The following NLGN1 variants were observed in gnomAD, a reference collection of about 807,000 sequenced individuals.
NLGN1 encodes the protein neuroligin-1.
In NLGN1, 12 loss-of-function variants were observed where a neutral mutation model predicts 65.5. That is an observed-to-expected ratio of 0.18 (90% CI 0.12 to 0.30). The LOEUF (loss-of-function observed/expected upper bound fraction) is 0.30. Ranked by LOEUF, NLGN1 falls within the 10% of genes least tolerant of loss-of-function variation. The pLI is 1.00. For missense variants in NLGN1, 750 were observed against 1,007.1 expected (o/e 0.74, Z 3.46); for synonymous variants, 350 against 359.5 (o/e 0.97, Z 0.30).
intron 4 of NLGN1, among the ~76,000 whole-genome samples, chr3:174,239,048 C>A (rs901976175): frequency 5.9e-5 from 9 of 151,764 alleles, no homozygotes; most frequent in African/African-American, 1.9e-4. Flanking sequence ...TTGCCTAGTT[C>A]TTTCTTTCTT....
At chr3:173,534,547 A>G (rs1015394553) in intron 2 of NLGN1, among the ~76,000 whole-genome samples, 1 of 152,226 alleles carries the variant, frequency 6.6e-6, no homozygotes, top group Non-Finnish European at 1.5e-5. Flanking sequence ...ATACTCTTGT[A>G]TACAAGAATT....
chr3:173,458,249 A>AT (rs1292178039), intron 2 of NLGN1, among the ~76,000 whole-genome samples: 2 of 151,528 alleles, frequency 1.3e-5, no homozygotes, highest in African/African-American at 2.4e-5. Context: ...AGAAGAAAAT[A>AT]TTTTTTTCTT....
At chr3:174,170,910 G>C (rs1354061861) in intron 4 of NLGN1, among the ~76,000 whole-genome samples, 2 of 152,124 alleles carry the variant, frequency 1.3e-5, no homozygotes, top group Non-Finnish European at 2.9e-5. Flanking sequence ...TCAGATAACA[G>C]AATTATCGCT....
chr3:173,398,172 G>A (rs1330033639), upstream of NLGN1: 1 of 152,248 alleles, frequency 6.6e-6, no homozygotes, highest in Non-Finnish European at 1.5e-5. Flanking sequence ...GAAAACCCTT[G>A]CCTGAACCCT....
intron 3 of NLGN1, among the ~76,000 whole-genome samples, chr3:173,717,249 T>A (rs182680939): frequency 6.6e-6 from 1 of 152,338 alleles, no homozygotes; most frequent in Admixed American, 6.5e-5. Flanking sequence ...TGGTTGTGTT[T>A]TATTTATTCT....
At chr3:173,780,165 C>T (rs1335501979) in intron 3 of NLGN1, among the ~76,000 whole-genome samples, 1 of 152,126 alleles carries the variant, frequency 6.6e-6, no homozygotes, top group South Asian at 2.1e-4. Flanking sequence ...ATTCATGCTG[C>T]AATGCTTCTC....
intron 4 of NLGN1, chr3:173,920,652 T>C (rs1741809806): frequency 6.6e-6 from 1 of 152,156 alleles, no homozygotes; most frequent in South Asian, 2.1e-4. Context: ...TAACACTCTA[T>C]TTAAGGTTCA....
Position 173,478,866 on chromosome 3 carries a change from T to C in NLGN1, c.-321+43788T>C, listed in dbSNP as rs540256417. ...GAGAATGCACCACTGCACTCCAGCA[T>C]GGGAGACAGAGCAAGACCGTGTCTC... On this transcript the variant is annotated intron_variant, in intron 2 of 6. Coordinates refer to ENST00000457714, the Ensembl canonical transcript of NLGN1. Among the ~76,000 whole-genome samples the C allele has an allele frequency of 2.7e-5, 4 of 150,624 alleles. No homozygotes were observed. In the East Asian group the frequency reaches 7.9e-4, roughly 30 times the overall value.
intron 4 of NLGN1, among the ~76,000 whole-genome samples, chr3:174,011,064 A>G (rs1165343463): frequency 6.6e-6 from 1 of 152,126 alleles, no homozygotes; most frequent in Non-Finnish European, 1.5e-5. Context: ...TAGCCCCCTC[A>G]GTGGAAGCTT....
In NLGN1 at chr3:174,234,985, C is replaced by CTTTTTTTTTTTTTTTTT. The variant is rs748911027; in HGVS notation, c.647-40316_647-40300dup. On this transcript the variant is annotated intron_variant, in intron 4 of 6. Coordinates refer to ENST00000457714, the Ensembl canonical transcript of NLGN1. ...GAGCTTTGTAAAATAAAGGAATCAC[C>CTTTTTTTTTTTTTTTTT]TTTTTTTTTTTTTTTTTTTTTTTTT... Among the ~76,000 whole-genome samples the CTTTTTTTTTTTTTTTTT allele has an allele frequency of 1.8e-4, 12 of 65,748 alleles. 2 individuals are homozygous for CTTTTTTTTTTTTTTTTT. Among genetic ancestry groups the CTTTTTTTTTTTTTTTTT allele is most frequent in the African/African-American group, 7.2e-4 (9 of 12,494 alleles). 43.1% of individuals were successfully genotyped at this position (65,748 alleles called of 152,430 possible).
At chr3:173,742,202 G>C (rs1002765671) in intron 3 of NLGN1, among the ~76,000 whole-genome samples, 4 of 151,912 alleles carry the variant, frequency 2.6e-5, no homozygotes, top group African/African-American at 9.7e-5. Flanking sequence ...AAGGCTGCAG[G>C]CAGTTTTATT....
At chr3:173,433,699 C>T (rs973669827) in intron 1 of NLGN1, among the ~76,000 whole-genome samples, 7 of 151,950 alleles carry the variant, frequency 4.6e-5, no homozygotes, top group Non-Finnish European at 7.4e-5. Flanking sequence ...AATTTATAAG[C>T]GACCAAGCTC....
At chr3:173,570,219 G>A (rs1003170991) in intron 2 of NLGN1, among the ~76,000 whole-genome samples, 2 of 152,124 alleles carry the variant, frequency 1.3e-5, no homozygotes, top group African/African-American at 4.8e-5. Context: ...TTAGAAAGGT[G>A]GATTGATTAG....
At chr3:174,169,349 C>T (rs894679832) in intron 4 of NLGN1, among the ~76,000 whole-genome samples, 4 of 151,998 alleles carry the variant, frequency 2.6e-5, no homozygotes, top group African/African-American at 7.2e-5. Flanking sequence ...GGAAGGGTGT[C>T]GCAACCCAGG....
At chr3:173,929,623 A>G (rs530217802) in intron 4 of NLGN1, among the ~76,000 whole-genome samples, 7 of 150,668 alleles carry the variant, frequency 4.6e-5, no homozygotes, top group Non-Finnish European at 1.0e-4. Context: ...AATTTCCCAA[A>G]TATTTTCTGA....
At chr3:174,149,756 G>C (rs1284312109) in intron 4 of NLGN1, among the ~76,000 whole-genome samples, 1 of 152,038 alleles carries the variant, frequency 6.6e-6, no homozygotes, top group Non-Finnish European at 1.5e-5. Flanking sequence ...TAACACAGTA[G>C]AGACTAAAGA....
chr3:174,070,519 A>G (rs925541743), intron 4 of NLGN1, among the ~76,000 whole-genome samples: 1 of 151,824 alleles, frequency 6.6e-6, no homozygotes, highest in Non-Finnish European at 1.5e-5. Flanking sequence ...TTTAGTAGTG[A>G]TGGGGTTTCA....
chr3:173,763,423 C>A (rs1201850919), intron 3 of NLGN1, among the ~76,000 whole-genome samples: 2 of 151,924 alleles, frequency 1.3e-5, no homozygotes, highest in African/African-American at 4.8e-5. Context: ...TAATTTCATG[C>A]CCTGTTGAAT....
intron 3 of NLGN1, among the ~76,000 whole-genome samples, chr3:173,745,648 G>A (rs937652828): frequency 1.2e-4 from 18 of 152,078 alleles, no homozygotes; most frequent in African/African-American, 4.1e-4. Flanking sequence ...TTTTATAGAT[G>A]AGATTATATG....
Sources: allele counts gnomAD v4.1 joint callset (sites outside exome capture counted in the v4.1 genomes callset), GRCh38; gene constraint gnomAD v4.1.1; transcripts MANE v1.5; gene names NCBI Gene and HGNC (gene_info 2026-07-23, HGNC 2026-07-21).